The following DYNC2H1 variants were observed in gnomAD, a reference collection of about 807,000 sequenced individuals.
DYNC2H1 encodes the protein cytoplasmic dynein 2 heavy chain 1.
Under a neutral mutation model 570.0 loss-of-function variants are expected in DYNC2H1, and 410 were observed. The ratio of observed to expected loss-of-function variants is 0.72; its 90% CI spans 0.66 to 0.78. DYNC2H1 has a LOEUF of 0.78. DYNC2H1 is among the 30% of genes least tolerant of loss of function. DYNC2H1 has a pLI of 0.00. For synonymous variants in DYNC2H1, 1,688 were observed against 1,677.6 expected (o/e 1.01, Z -0.15); for missense variants, 4,865 against 5,046.4 (o/e 0.96, Z 1.09).
chr11:103,468,663 C>T lies in DYNC2H1; in HGVS notation c.12723C>T (p.Ser4241=), dbSNP rs747183467. 24 of 1,613,530 alleles carry T rather than the reference C, an allele frequency of 1.5e-5. No individual in the cohort carries two copies. Among genetic ancestry groups the T allele is most frequent in the East Asian group, 1.1e-4 (5 of 44,876 alleles). The change falls in exon 88 of 89, where the codon AGC becomes AGT. Residue 4241 remains serine (S), a synonymous_variant. Coordinates refer to ENST00000375735, the MANE Select transcript of DYNC2H1 (RefSeq NM_001377.3). ...CTGAAAATCAGCTTGATTCTCCCAG[C>T]GTGTCATCAGTGCTCCCTTGTTTTA... ...QLSENQLDSP[S]VSSVLPCFMG...
intron 18 of DYNC2H1, among the ~76,000 whole-genome samples, chr11:103,144,614 T>C (rs1322089794): frequency 6.6e-6 from 1 of 152,158 alleles, no homozygotes; most frequent in Non-Finnish European, 1.5e-5. Context: ...AGTTAATGTT[T>C]TATTAGAGAC....
rs1353005591 is a variant in DYNC2H1 at position 103,461,746 on chromosome 11, TTTAATACTTTCTATTA to T, written c.12648+5395_12648+5410del. On this transcript the variant is annotated intron_variant, in intron 87 of 88. Coordinates refer to ENST00000375735, the MANE Select transcript of DYNC2H1 (RefSeq NM_001377.3). The surrounding 1 kb of genome is among the most constrained non-coding windows in gnomAD (Gnocchi z 4.8). ...TCAAGGTTTTTTTTTTTTAATAATG[TTTAATACTTTCTATTA>T]TTAAACATTTTAAACAAATACAGAA... is the stretch of plus-strand genomic sequence containing the variant. 2.0e-5 allele frequency among the ~76,000 whole-genome samples: 3 copies of T among 151,856 alleles called. No homozygotes were observed. Among genetic ancestry groups the T allele is most frequent in the Non-Finnish European group, 2.9e-5 (2 of 67,976 alleles).
At position 103,455,252 on chromosome 11, in the gene DYNC2H1, C is replaced by T. The variant is rs1381285114; in HGVS notation, c.12523C>T (p.His4175Tyr). 1 of 1,613,396 alleles carries T rather than the reference C, an allele frequency of 6.2e-7. No homozygotes were observed. The change falls in exon 86 of 89, where the codon CAT becomes TAT. Residue 4175 changes from histidine (H) to tyrosine (Y), a missense_variant. This residue lies in a region of DYNC2H1 where 2,401 missense variants were observed against 2,454.6 expected (regional missense o/e 0.98). Transcript: ENST00000375735. ...SETLDLSELF[H>Y]PDTFLNALRQ... ...AACACTTGACCTATCAGAACTTTTC[C>T]ATCCAGACACATTTCTTAATGCTCT...
chr11:103,452,341 ATT>A (rs397954360), intron 85 of DYNC2H1, among the ~76,000 whole-genome samples: 1 of 148,680 alleles, frequency 6.7e-6, no homozygotes, highest in Admixed American at 6.7e-5. Context: ...GAATCACTTA[ATT>A]TTTTTTTTTG....
intron 87 of DYNC2H1, among the ~76,000 whole-genome samples, chr11:103,462,230 A>C (rs192406586): frequency 6.6e-6 from 1 of 152,138 alleles, no homozygotes; most frequent in Admixed American, 6.5e-5. Flanking sequence ...TTGCTTCCTT[A>C]TGTTAGTAAA....
intron 87 of DYNC2H1, among the ~76,000 whole-genome samples, chr11:103,467,600 C>T (rs550741354): frequency 3.3e-5 from 5 of 152,090 alleles, no homozygotes; most frequent in Admixed American, 3.3e-4. Flanking sequence ...TGTGGTGGCG[C>T]GATCTCGGCT....
Position 103,321,104 on chromosome 11 carries a change from A to C in DYNC2H1, c.11801A>C (p.Tyr3934Ser). The change falls in exon 81 of 89, where the codon TAT (tyrosine) becomes TCT (serine). Residue 3934 changes from tyrosine (Y) to serine (S), a missense_variant. Around this residue, in one of 5 missense-constraint regions of DYNC2H1, gnomAD observed 2,401 missense variants for 2,454.6 expected, o/e 0.98. Coordinates refer to ENST00000375735, the MANE Select transcript of DYNC2H1 (RefSeq NM_001377.3). Reference protein sequence around the residue: ...NAIYGGRIDNYFDLRVLQSYL... With the variant: ...NAIYGGRIDNSFDLRVLQSYL... ...ATTTATGGAGGACGTATAGACAACT[A>C]TTTTGACCTTAGAGTTCTTCAGTCA... The C allele has an allele frequency of 6.2e-7, 1 of 1,612,792 alleles. No individual in the cohort carries two copies. The highest frequency in any genetic ancestry group is 8.5e-7 in the Non-Finnish European group (1 of 1,179,348).
intron 84 of DYNC2H1, among the ~76,000 whole-genome samples, chr11:103,429,336 G>A (rs1943804242): frequency 2.6e-5 from 4 of 151,954 alleles, no homozygotes; most frequent in African/African-American, 9.7e-5. Context: ...TCTTTGAGAA[G>A]GGAAAACATA....
chr11:103,242,308 G>A (rs1188274493), intron 63 of DYNC2H1, among the ~76,000 whole-genome samples: 1 of 151,850 alleles, frequency 6.6e-6, no homozygotes, highest in East Asian at 1.9e-4. Flanking sequence ...TAATAAAATA[G>A]AACAACTATA....
At position 103,353,457 on chromosome 11, in the gene DYNC2H1, A is replaced by T. The variant is rs75058278; in HGVS notation, c.12040-4786A>T. ...CATTAACTGTCCTACATAATACTAG[A>T]TTTCTATTTCTCTGTATCTTCTGGT... On this transcript the variant is annotated intron_variant, in intron 82 of 88. Transcript: ENST00000375735. Among the ~76,000 whole-genome samples the T allele has an allele frequency of 2.3e-4, 35 of 152,200 alleles. No individual in the cohort carries two copies. The East Asian group carries it at 6.6e-3, about 29-fold the overall frequency.
At chr11:103,423,408 T>TAAAAAAAAAAAAAAAAAAAA (rs60223334) in intron 84 of DYNC2H1, among the ~76,000 whole-genome samples, 1 of 120,430 alleles carries the variant, frequency 8.3e-6, no homozygotes. Context: ...GCCAAAAAAG[T>TAAAAAAAAAAAAAAAAAAAA]AAAAAAAAAA....
intron 83 of DYNC2H1, among the ~76,000 whole-genome samples, chr11:103,371,072 A>C (rs1427776619): frequency 6.6e-6 from 1 of 152,148 alleles, no homozygotes; most frequent in African/African-American, 2.4e-5. Flanking sequence ...ACAGAGAAGG[A>C]GCTCAGAATT....
At chr11:103,418,365 G>C (rs898456432) in intron 84 of DYNC2H1, among the ~76,000 whole-genome samples, 2 of 152,134 alleles carry the variant, frequency 1.3e-5, no homozygotes, top group African/African-American at 4.8e-5. Flanking sequence ...CTTAATTGTA[G>C]CTCTATATGT....
At position 103,319,885 on chromosome 11, in the gene DYNC2H1, C is replaced by T. The variant is rs374177823; in HGVS notation, c.11726-1144C>T. On this transcript the variant is annotated intron_variant, in intron 80 of 88. Transcript: ENST00000375735. The surrounding 1 kb of genome is among the most constrained non-coding windows in gnomAD (Gnocchi z 4.3). ...GTCCTGGTGAAGTCCTTTGTTTAGTCACTGTTGACTATAAGATGTAGGCAG... is the reference window on the plus strand; with the variant it reads ...GTCCTGGTGAAGTCCTTTGTTTAGTTACTGTTGACTATAAGATGTAGGCAG... Among the ~76,000 whole-genome samples the T allele has an allele frequency of 2.0e-5, 3 of 152,158 alleles. No homozygotes were observed. In the East Asian group the frequency reaches 5.8e-4, roughly 29 times the overall value.
chr11:103,154,755 TGAA>T lies in DYNC2H1; in HGVS notation c.3523_3525del (p.Glu1175del), dbSNP rs1303598267. ...ACTGGCATGACAGATTAAGGAAGGT[TGAA>T]GAACATTCAGTGATGACAGTGAAAT... On this transcript the variant is annotated inframe_deletion, in exon 24 of 89. Coordinates refer to ENST00000375735, the MANE Select transcript of DYNC2H1 (RefSeq NM_001377.3). 1 of 1,569,992 alleles carries T rather than the reference TGAA, an allele frequency of 6.4e-7. No individual in the cohort carries two copies. The highest frequency in any genetic ancestry group is 1.9e-5 in the Admixed American group (1 of 53,216).
intron 84 of DYNC2H1, 122 bp downstream of exon 84, chr11:103,399,994 C>A: frequency 1.3e-6 from 1 of 791,494 alleles, no homozygotes; most frequent in Non-Finnish European, 1.9e-6. Context: ...CTGGCTTAAG[C>A]CATATAAAAA....
At chr11:103,457,621 T>A (rs1205601687) in intron 87 of DYNC2H1, among the ~76,000 whole-genome samples, 1 of 152,172 alleles carries the variant, frequency 6.6e-6, no homozygotes, top group Non-Finnish European at 1.5e-5. Context: ...TAAATAACAC[T>A]TAGCTTAAAA....
chr11:103,358,446 G>C (rs1300574101), intron 83 of DYNC2H1, 87 bp downstream of exon 83: 1 of 845,686 alleles, frequency 1.2e-6, no homozygotes, highest in Admixed American at 2.1e-5. Context: ...AGTCATACAA[G>C]TAATCACATT....
intron 84 of DYNC2H1, among the ~76,000 whole-genome samples, chr11:103,430,366 C>T (rs1402560188): frequency 6.6e-6 from 1 of 152,060 alleles, no homozygotes; most frequent in South Asian, 2.1e-4. Flanking sequence ...AGATAAAATG[C>T]GTATAACAGT....
Sources: allele counts gnomAD v4.1 joint callset (sites outside exome capture counted in the v4.1 genomes callset), GRCh38; gene constraint gnomAD v4.1.1; regional missense constraint gnomAD v4.1.1; non-coding constraint Gnocchi (gnomAD v3.1); transcripts MANE v1.5; gene names NCBI Gene and HGNC (gene_info 2026-07-23, HGNC 2026-07-21).